Variants in GPR155 observed in about 807,000 individuals in gnomAD.
GPR155 encodes G protein-coupled receptor 155.
In GPR155, 65 loss-of-function variants were observed where a neutral mutation model predicts 93.1. The ratio of observed to expected loss-of-function variants is 0.70; its 90% CI spans 0.57 to 0.86. The LOEUF (loss-of-function observed/expected upper bound fraction) is 0.86, where lower values mean the gene tolerates loss of function less well. GPR155 is among the 40% of genes least tolerant of loss of function. GPR155 has a pLI of 0.00. For missense variants in GPR155, 838 were observed against 1,034.8 expected (o/e 0.81, Z 2.61); for synonymous variants, 319 against 360.1 (o/e 0.89, Z 1.29).
At chr2:174,475,288 C>T (rs950039433) in intron 2 of GPR155, among the ~76,000 whole-genome samples, 3 of 71,414 alleles carry the variant, frequency 4.2e-5, no homozygotes, top group African/African-American at 1.2e-4. Flanking sequence ...GAGCGAGACT[C>T]CGTCTCAAAA....
Position 174,446,628 on chromosome 2 carries a change from T to A in GPR155, c.1996A>T (p.Ile666Phe). 1.2e-6 allele frequency: 2 copies of A among 1,613,600 alleles called. No homozygotes were observed. The highest frequency in any genetic ancestry group is 1.7e-6 in the Non-Finnish European group (2 of 1,179,874). The change falls in exon 12 of 16, where the codon ATC (isoleucine) becomes TTC (phenylalanine). Residue 666 changes from isoleucine (I) to phenylalanine (F), a missense_variant. Physicochemically the swap from Ile to Phe is conservative, Grantham distance 21. Around this residue, in one of 3 missense-constraint regions of GPR155, gnomAD observed 663 missense variants for 790.1 expected, o/e 0.84. Coordinates refer to ENST00000392552, the MANE Select transcript of GPR155 (RefSeq NM_152529.7). ...ACCATTACAGCGAACAGGCCAATGA[T>A]GAGAAGTAAACACAGCAACACATGT... The part of the protein sequence containing the change: ...TRHVLLCLLL[I>F]IGLFANLSSC...
At chr2:174,457,876 G>A (rs113148306) in intron 10 of GPR155, among the ~76,000 whole-genome samples, 1,807 of 152,134 alleles carry the variant, frequency 0.012, 35 homozygotes, top group African/African-American at 0.04. Context: ...TCAGCCTCCT[G>A]AGTAGCTAGG....
intron 10 of GPR155, among the ~76,000 whole-genome samples, chr2:174,457,022 G>A (rs1203365406): frequency 2.0e-5 from 3 of 152,080 alleles, no homozygotes; most frequent in African/African-American, 7.2e-5. Flanking sequence ...TTTTAAAAAA[G>A]AAAACTGGGC....
In GPR155 at chr2:174,487,016, C is replaced by G. The variant is rs1358096558; in HGVS notation, c.-175G>C. 2 of 152,344 alleles carry G rather than the reference C, an allele frequency of 1.3e-5. No homozygotes were observed. Among genetic ancestry groups the G allele is most frequent in the African/African-American group, 4.8e-5 (2 of 41,412 alleles). 9.4% of individuals were successfully genotyped at this position (152,344 alleles called of 1,614,324 possible). On this transcript the variant is annotated 5_prime_UTR_variant, in exon 1 of 16. Coordinates refer to ENST00000392552, the MANE Select transcript of GPR155 (RefSeq NM_152529.7). ...GGTGCCAGCTGCAGCAGCTTAGGCACGTTCCGATAAAGTAAGGTGGGGTAA... is the reference window on the plus strand; with the variant it reads ...GGTGCCAGCTGCAGCAGCTTAGGCAGGTTCCGATAAAGTAAGGTGGGGTAA...
chr2:174,432,770 T>TG lies in GPR155; in HGVS notation c.*3345_*3346insC, dbSNP rs1686672575. The TG allele has an allele frequency of 6.7e-6, 1 of 148,516 alleles. No individual in the cohort carries two copies. Among genetic ancestry groups the TG allele is most frequent in the South Asian group, 2.2e-4 (1 of 4,548 alleles). 9.2% of individuals were successfully genotyped at this position (148,516 alleles called of 1,614,324 possible). Reference sequence around the variant, plus strand: ...ACTAGGCTTCCATGCAGGTTTTTTTTTTTTTTTTTTTGCGATGGAGTCTCA... The same window carrying TG: ...ACTAGGCTTCCATGCAGGTTTTTTTTGTTTTTTTTTTTGCGATGGAGTCTCA... On this transcript the variant is annotated 3_prime_UTR_variant, in exon 16 of 16. Transcript: ENST00000392552.
rs1686704870 is a variant in GPR155 at position 174,433,995 on chromosome 2, C to T, written c.*2121G>A. On this transcript the variant is annotated 3_prime_UTR_variant, in exon 16 of 16. Transcript: ENST00000392552. ...TTTTTTTCTGAGACAGAGTCTCACT[C>T]TGACACTCAGGCTGGAGTGCAGTGG... 1 of 150,546 alleles carries T rather than the reference C, an allele frequency of 6.6e-6. No homozygotes were observed. The highest frequency in any genetic ancestry group is 2.4e-5 in the African/African-American group (1 of 40,858). The allele number at this position is 150,546 out of a possible 1,614,324, so 9.3% of individuals were successfully genotyped here. A position where few individuals can be genotyped will look rare whatever the true frequency, so the allele number is the denominator to read the frequency against.
At chr2:174,459,748 G>A (rs1177021677) in intron 10 of GPR155, 130 bp downstream of exon 10, 6 of 629,172 alleles carry the variant, frequency 9.5e-6, no homozygotes, top group South Asian at 5.9e-5. Flanking sequence ...TGGAGGCTCA[G>A]GTGGCAGAAT....
intron 13 of GPR155, among the ~76,000 whole-genome samples, chr2:174,442,465 T>C (rs1686994415): frequency 6.6e-6 from 1 of 152,254 alleles, no homozygotes; most frequent in African/African-American, 2.4e-5. Context: ...AGGGCATATA[T>C]GTCTTTGTTT....
intron 2 of GPR155, among the ~76,000 whole-genome samples, chr2:174,478,998 T>G (rs1191943920): frequency 6.6e-6 from 1 of 152,158 alleles, no homozygotes; most frequent in African/African-American, 2.4e-5. Context: ...GTCTAATATA[T>G]TGGTTTTTAG....
At chr2:174,441,663 A>G (rs1291965834) in intron 14 of GPR155, among the ~76,000 whole-genome samples, 1 of 151,854 alleles carries the variant, frequency 6.6e-6, no homozygotes, top group African/African-American at 2.4e-5. Flanking sequence ...GTTGCCACCT[A>G]TGAGTGAGAA....
At chr2:174,448,530 G>GTTTTTTTTTT (rs565221876) in intron 11 of GPR155, among the ~76,000 whole-genome samples, 2 of 100,960 alleles carry the variant, frequency 2.0e-5, no homozygotes, top group African/African-American at 4.1e-5. Context: ...TTTGTTTTTT[G>GTTTTTTTTTT]TTTTTTTTTT....
intron 10 of GPR155, among the ~76,000 whole-genome samples, chr2:174,456,955 T>C (rs890155319): frequency 6.6e-6 from 1 of 152,104 alleles, no homozygotes; most frequent in Non-Finnish European, 1.5e-5. Context: ...ACTTCTGGAG[T>C]TAACAGGAAT....
At position 174,436,330 on chromosome 2, in the gene GPR155, C is replaced by A. The variant is rs745797210; in HGVS notation, c.2399G>T (p.Gly800Val). 1 of 1,614,172 alleles carries A rather than the reference C, an allele frequency of 6.2e-7. No homozygotes were observed. The highest frequency in any genetic ancestry group is 8.5e-7 in the Non-Finnish European group (1 of 1,180,016). The change falls in exon 16 of 16, where the codon GGT (glycine) becomes GTT (valine). Residue 800 changes from glycine to valine, a missense_variant. Gly to Val is a moderately radical substitution (Grantham distance 109). Transcript: ENST00000392552. ...CCTGTCTCCGTATATCACAGCTTCA[C>A]CACGGTCGGAGGCAAGGCCGACTTC... ...LIEVGLASDRGEAVIYGDRLV... is the reference protein window; with the variant it reads ...LIEVGLASDRVEAVIYGDRLV...
intron 1 of GPR155, chr2:174,483,113 T>G (rs1373618904): frequency 6.6e-6 from 1 of 152,220 alleles, no homozygotes. Context: ...GCAGGGACTA[T>G]GCATGTTTTT....
At chr2:174,448,586 G>A (rs1230285238) in intron 11 of GPR155, among the ~76,000 whole-genome samples, 4 of 140,530 alleles carry the variant, frequency 2.8e-5, no homozygotes, top group African/African-American at 8.1e-5. Flanking sequence ...GCCGGACTGC[G>A]GACTGCAGTG....
intron 15 of GPR155, 51 bp downstream of exon 15, chr2:174,439,847 T>C (rs1312181274): frequency 1.3e-6 from 2 of 1,500,462 alleles, no homozygotes; most frequent in African/African-American, 1.4e-5. Flanking sequence ...AATTAATCAA[T>C]TAATCATTTA....
At position 174,472,977 on chromosome 2, in the gene GPR155, A is replaced by T. The variant is rs1438369920; in HGVS notation, c.848T>A (p.Ile283Asn). 2 of 1,584,180 alleles carry T rather than the reference A, an allele frequency of 1.3e-6. No homozygotes were observed. The highest frequency in any genetic ancestry group is 1.7e-6 in the Non-Finnish European group (2 of 1,173,030). The change falls in exon 3 of 16, where the codon ATC becomes AAC. Residue 283 changes from isoleucine to asparagine, a missense_variant. Physicochemically the swap from Ile to Asn is moderately radical, Grantham distance 149 (BLOSUM62 -3). Transcript: ENST00000392552. ...KSAFVVLILL[I>N]TAKLLVLPLL... ...AAGTGATGCTTACAGTTTAGCTGTG[A>T]TGAGAAGAATTAGTACTACAAATGC... is the stretch of plus-strand genomic sequence containing the variant.
chr2:174,467,239 C>T (rs1687865539), intron 5 of GPR155, among the ~76,000 whole-genome samples: 1 of 152,096 alleles, frequency 6.6e-6, no homozygotes, highest in African/African-American at 2.4e-5. Flanking sequence ...GTGGCTCACG[C>T]CTGTAATCCC....
chr2:174,466,024 ATTTG>A (rs1256413872), intron 6 of GPR155, 122 bp from the exon 7 acceptor site: 2 of 573,212 alleles, frequency 3.5e-6, no homozygotes, highest in East Asian at 2.8e-5. Flanking sequence ...AAATATAATT[ATTTG>A]TTTAAAATTT....
Sources: gnomAD v4.1 joint callset for allele counts (sites outside exome capture counted in the v4.1 genomes callset) on GRCh38, gnomAD v4.1.1 for gene constraint, gnomAD v4.1.1 regional missense constraint, MANE v1.5 for transcripts, NCBI Gene and HGNC (gene_info 2026-07-23, HGNC 2026-07-21) for gene names.